The following PSMD1 variants were observed in gnomAD, a reference collection of about 807,000 sequenced individuals.
PSMD1 encodes the protein 26S proteasome non-ATPase regulatory subunit 1.
Under a neutral mutation model 119.0 loss-of-function variants are expected in PSMD1, and 18 were observed. The ratio of observed to expected loss-of-function variants is 0.15; its 90% CI spans 0.10 to 0.22. The LOEUF (loss-of-function observed/expected upper bound fraction) is 0.22, where lower values mean the gene tolerates loss of function less well. PSMD1 is among the 10% of genes least tolerant of loss of function. The pLI is 1.00. For synonymous variants in PSMD1, 374 were observed against 396.6 expected, an observed-to-expected ratio of 0.94 and a Z score of 0.68; for missense variants, 702 against 1,158.5, an observed-to-expected ratio of 0.61 and a Z score of 5.72.
intron 1 of PSMD1, among the ~76,000 whole-genome samples, chr2:231,058,699 G>T (rs994247331): frequency 3.3e-5 from 5 of 151,816 alleles, no homozygotes; most frequent in African/African-American, 9.7e-5. Context: ...TTGTCTTGTA[G>T]TACTGTCTTC....
intron 20 of PSMD1, among the ~76,000 whole-genome samples, chr2:231,162,019 A>G (rs1696652485): frequency 6.6e-6 from 1 of 152,246 alleles, no homozygotes; most frequent in Admixed American, 6.5e-5. Flanking sequence ...ACTAAAGGGA[A>G]AAAGCAAAAT....
intron 18 of PSMD1, among the ~76,000 whole-genome samples, chr2:231,152,162 C>T (rs188675620): frequency 2.6e-5 from 4 of 152,192 alleles, no homozygotes; most frequent in Admixed American, 2.6e-4. Flanking sequence ...ATGATTTAAT[C>T]ATGCTAGGTT....
intron 18 of PSMD1, among the ~76,000 whole-genome samples, chr2:231,149,631 A>G (rs1696328823): frequency 6.6e-6 from 1 of 152,250 alleles, no homozygotes; most frequent in African/African-American, 2.4e-5. Flanking sequence ...AGCTTCTCCT[A>G]TCATTGACAA....
At chr2:231,089,020 G>A (rs1194121238) in intron 16 of PSMD1, among the ~76,000 whole-genome samples, 1 of 152,224 alleles carries the variant, frequency 6.6e-6, no homozygotes, top group Non-Finnish European at 1.5e-5. Context: ...GTGCTCCGGA[G>A]AGAAGATCAA....
chr2:231,143,329 A>C (rs1294936768), intron 17 of PSMD1, among the ~76,000 whole-genome samples: 2 of 151,812 alleles, frequency 1.3e-5, no homozygotes, highest in African/African-American at 4.8e-5. Context: ...TCCTGGGTTC[A>C]AGTGATTCTC....
intron 5 of PSMD1, among the ~76,000 whole-genome samples, chr2:231,068,586 G>A (rs961007873): frequency 6.6e-6 from 1 of 152,060 alleles, no homozygotes; most frequent in African/African-American, 2.4e-5. Flanking sequence ...GTCTTAAATT[G>A]TGCACCATTC....
chr2:231,075,517 G>A lies in PSMD1; in HGVS notation c.888G>A (p.Ser296=), dbSNP rs757424458. The part of the protein sequence containing the change: ...TVPGSEKDSD[S]METEEKTSSA... The stretch of plus-strand genomic sequence containing the variant: ...TTGGTTCTTTTCATTTCAGTGACTC[G>A]ATGGAAACAGAAGAAAAGACAAGCA... The change falls in exon 8 of 25, where the codon TCG becomes TCA. Residue 296 remains serine, a synonymous_variant. Coordinates refer to ENST00000308696, the MANE Select transcript of PSMD1 (RefSeq NM_002807.4). 28 of 1,612,244 alleles carry A rather than the reference G, an allele frequency of 1.7e-5. No homozygotes were observed. Among genetic ancestry groups the A allele is most frequent in the South Asian group, 4.4e-5 (4 of 90,706 alleles).
At chr2:231,158,172 G>A (rs575970570) in intron 19 of PSMD1, among the ~76,000 whole-genome samples, 10 of 152,116 alleles carry the variant, frequency 6.6e-5, no homozygotes, top group South Asian at 4.2e-4. Context: ...TTAGCTGGGC[G>A]TGGTGGTGCA....
At chr2:231,077,547 T>G (rs947901828) in intron 9 of PSMD1, among the ~76,000 whole-genome samples, 28 of 152,280 alleles carry the variant, frequency 1.8e-4, no homozygotes, top group African/African-American at 6.7e-4. Context: ...TGTTTTTCTT[T>G]TATTACAAAA....
intron 5 of PSMD1, among the ~76,000 whole-genome samples, chr2:231,069,533 C>T (rs1363088795): frequency 6.6e-6 from 1 of 152,112 alleles, no homozygotes; most frequent in Non-Finnish European, 1.5e-5. Context: ...TCAAAGTTTT[C>T]TTGTAGGGAG....
intron 7 of PSMD1, among the ~76,000 whole-genome samples, chr2:231,073,318 A>G (rs1694083735): frequency 1.3e-5 from 2 of 152,204 alleles, no homozygotes; most frequent in African/African-American, 4.8e-5. Context: ...ACAAGGACAA[A>G]GTGATCACAT....
rs538715614 is a variant in PSMD1 at position 231,060,450 on chromosome 2, C to T, written c.17-817C>T. Reference sequence around the variant, plus strand: ...ATGATTTTAAAACCCACATGGAAAGCATTTGAGAGTGGTTTCCTTTGTGGT... The same window carrying T: ...ATGATTTTAAAACCCACATGGAAAGTATTTGAGAGTGGTTTCCTTTGTGGT... On this transcript the variant is annotated intron_variant, in intron 1 of 24. Transcript: ENST00000308696. 3 of 152,332 alleles carry T rather than the reference C, an allele frequency of 2.0e-5. No homozygotes were observed. In the East Asian group the frequency reaches 5.8e-4, roughly 29 times the overall value. 9.4% of individuals were successfully genotyped at this position (152,332 alleles called of 1,614,324 possible).
intron 16 of PSMD1, among the ~76,000 whole-genome samples, chr2:231,107,066 T>C (rs916799804): frequency 2.0e-5 from 3 of 152,174 alleles, no homozygotes; most frequent in Admixed American, 2.0e-4. Context: ...CCATCCCTAA[T>C]GCTGCTGAAA....
intron 1 of PSMD1, among the ~76,000 whole-genome samples, chr2:231,057,517 A>G (rs1693632982): frequency 6.6e-6 from 1 of 152,236 alleles, no homozygotes; most frequent in African/African-American, 2.4e-5. Flanking sequence ...TCGCCTTAGA[A>G]TGAAACCCGA....
chr2:231,058,494 G>A (rs543492449), intron 1 of PSMD1, among the ~76,000 whole-genome samples: 170 of 151,538 alleles, frequency 1.1e-3, no homozygotes, highest in Non-Finnish European at 2.0e-3. Flanking sequence ...TGTGGTGGTC[G>A]GACATCGTGA....
Position 231,163,706 on chromosome 2 carries a change from A to G in PSMD1, c.2460A>G (p.Pro820=), listed in dbSNP as rs574824369. 107 of 1,608,648 alleles carry G rather than the reference A, an allele frequency of 6.7e-5. No individual in the cohort carries two copies. Among genetic ancestry groups the G allele is most frequent in the Admixed American group, 2.8e-4 (17 of 59,954 alleles). ...TFAYPAPLEV[P]KEKEKEKVST... ...CATATCCTGCCCCTCTGGAAGTACC[A>G]AAAGAAAAAGAAAAGGAAAAGGTAG... Residue 820 remains proline, a synonymous_variant, in exon 21 of 25, where the codon CCA becomes CCG. Coordinates refer to ENST00000308696, the MANE Select transcript of PSMD1 (RefSeq NM_002807.4).
chr2:231,121,473 A>G (rs943486206), intron 16 of PSMD1, among the ~76,000 whole-genome samples: 2 of 152,226 alleles, frequency 1.3e-5, no homozygotes, highest in South Asian at 2.1e-4. Context: ...GACATTTCAC[A>G]TATTTTATGT....
At chr2:231,089,839 T>C (rs1467172081) in intron 16 of PSMD1, among the ~76,000 whole-genome samples, 1 of 152,240 alleles carries the variant, frequency 6.6e-6, no homozygotes, top group South Asian at 2.1e-4. Context: ...TGAGAGCTGA[T>C]TAGATTATGC....
chr2:231,151,831 A>G lies in PSMD1; in HGVS notation c.2116-1733A>G, dbSNP rs60915541. On this transcript the variant is annotated intron_variant, in intron 18 of 24. Coordinates refer to ENST00000308696, the MANE Select transcript of PSMD1 (RefSeq NM_002807.4). ...TTTTTTTTTTTTTTTTTTTTTTTTG[A>G]GATGGAGTTTTGCTCTTGTCGCCCA... Among the ~76,000 whole-genome samples, 532 of 63,256 alleles carry G rather than the reference A, an allele frequency of 8.4e-3. 6 individuals carry two copies. The highest frequency in any genetic ancestry group is 0.032 in the African/African-American group (510 of 16,090). The allele number at this position is 63,256 out of a possible 152,430, so 41.5% of individuals were successfully genotyped here. A position where few individuals can be genotyped will look rare whatever the true frequency, so the allele number is the denominator to read the frequency against.
Sources: allele counts gnomAD v4.1 joint callset (sites outside exome capture counted in the v4.1 genomes callset), GRCh38; gene constraint gnomAD v4.1.1; transcripts MANE v1.5; gene names NCBI Gene and HGNC (gene_info 2026-07-23, HGNC 2026-07-21).